MARCHF1: variants seen among roughly 807,000 people sequenced by gnomAD.
The protein encoded by MARCHF1 is E3 ubiquitin-protein ligase MARCHF1.
Under a neutral mutation model 54.2 loss-of-function variants are expected in MARCHF1, and 40 were observed. The ratio of observed to expected loss-of-function variants is 0.74; its 90% CI spans 0.57 to 0.96. The LOEUF is 0.96. MARCHF1 is among the 40% of genes least tolerant of loss of function. The pLI is 0.00. For synonymous variants in MARCHF1, 236 were observed against 236.3 expected (o/e 1.00, Z 0.01); for missense variants, 586 against 656.5 (o/e 0.89, Z 1.17).
chr4:164,124,531 T>C (rs1756139964), intron 1 of MARCHF1, among the ~76,000 whole-genome samples: 1 of 152,114 alleles, frequency 6.6e-6, no homozygotes, highest in African/African-American at 2.4e-5. Context: ...AACATAAGTG[T>C]CCATCGACAG....
intron 5 of MARCHF1, among the ~76,000 whole-genome samples, chr4:163,669,917 T>C (rs573158258): frequency 2.6e-5 from 4 of 152,238 alleles, no homozygotes; most frequent in East Asian, 1.9e-4. Context: ...TATCTTCTTA[T>C]GGATCATTGC....
intron 1 of MARCHF1, among the ~76,000 whole-genome samples, chr4:164,301,683 C>G (rs528406492): frequency 2.0e-5 from 3 of 151,966 alleles, no homozygotes; most frequent in South Asian, 2.1e-4. Flanking sequence ...AGGGAGTGAG[C>G]AGATAAAGTG....
At chr4:163,975,259 TCTGA>T (rs1332337176) in intron 3 of MARCHF1, among the ~76,000 whole-genome samples, 18 of 151,692 alleles carry the variant, frequency 1.2e-4, no homozygotes, top group African/African-American at 4.1e-4. Context: ...TCTTGACAAC[TCTGA>T]CTAATGCAGA....
At chr4:163,910,970 T>C (rs1751176484) in intron 3 of MARCHF1, among the ~76,000 whole-genome samples, 1 of 152,204 alleles carries the variant, frequency 6.6e-6, no homozygotes, top group Non-Finnish European at 1.5e-5. Context: ...TGAATATCAG[T>C]AATAGCAGGC....
chr4:164,177,079 T>C (rs555635170), intron 1 of MARCHF1, among the ~76,000 whole-genome samples: 1 of 149,096 alleles, frequency 6.7e-6, no homozygotes, highest in African/African-American at 2.4e-5. Flanking sequence ...ATTTATGCAG[T>C]CTTTTCTGAT....
intron 4 of MARCHF1, among the ~76,000 whole-genome samples, chr4:163,804,573 A>T (rs1250008819): frequency 6.6e-6 from 1 of 152,202 alleles, no homozygotes; most frequent in Non-Finnish European, 1.5e-5. Flanking sequence ...ACTCTATATT[A>T]AGCAGAATCA....
rs548255374 is a variant in MARCHF1, at chr4:163,812,056, T to C, written c.111+41965A>G. ...AGTTGAATTTGCTCTGCCTGAATAC[T>C]TGAGCTCAAATATTGATCTTCTGTC... On this transcript the variant is annotated intron_variant, in intron 4 of 9. Transcript: ENST00000514618. 4.3e-4 allele frequency among the ~76,000 whole-genome samples: 66 copies of C among 152,220 alleles called. No homozygotes were observed. In the South Asian group the frequency reaches 0.013, roughly 30 times the overall value.
intron 2 of MARCHF1, among the ~76,000 whole-genome samples, chr4:164,045,544 T>TAAATAAAG (rs1553973217): frequency 7.2e-5 from 8 of 111,680 alleles, no homozygotes; most frequent in Non-Finnish European, 1.7e-4. Context: ...AATAAATAAA[T>TAAATAAAG]AAATAAAACC....
intron 3 of MARCHF1, among the ~76,000 whole-genome samples, chr4:163,917,315 C>T (rs1241510614): frequency 6.6e-6 from 1 of 152,116 alleles, no homozygotes. Context: ...TTCTAAGAAC[C>T]TGTTAAACTC....
At chr4:164,229,298 G>A (rs1454734362) in intron 1 of MARCHF1, among the ~76,000 whole-genome samples, 1 of 152,160 alleles carries the variant, frequency 6.6e-6, no homozygotes, top group Non-Finnish European at 1.5e-5. Context: ...TATAAAAGCA[G>A]CTTTGTACCT....
chr4:163,544,409 T>C lies in MARCHF1; in HGVS notation c.1339+1187A>G, dbSNP rs551181264. Among the ~76,000 whole-genome samples the C allele has an allele frequency of 2.0e-5, 3 of 152,308 alleles. No homozygotes were observed. In the East Asian group the frequency reaches 5.8e-4, roughly 29 times the overall value. ...TAGACTCGACACGGTAGTGCTTTCA[T>C]TTTCTTCCAGAAAAGGACAGTGGCA... On this transcript the variant is annotated intron_variant, in intron 9 of 9. Coordinates refer to ENST00000514618, the MANE Select transcript of MARCHF1 (RefSeq NM_001394959.1).
At chr4:163,607,059 T>G (rs1199562840) in intron 7 of MARCHF1, among the ~76,000 whole-genome samples, 1 of 152,066 alleles carries the variant, frequency 6.6e-6, no homozygotes, top group African/African-American at 2.4e-5. Flanking sequence ...TTGTCTGCAG[T>G]TGGAGGAAAT....
At chr4:163,675,637 G>A (rs1352758580) in intron 5 of MARCHF1, among the ~76,000 whole-genome samples, 1 of 152,216 alleles carries the variant, frequency 6.6e-6, no homozygotes, top group Non-Finnish European at 1.5e-5. Context: ...CAGGGACTGT[G>A]TAGATAGATA....
chr4:164,281,153 A>G (rs138672564), intron 1 of MARCHF1, among the ~76,000 whole-genome samples: 1 of 152,310 alleles, frequency 6.6e-6, no homozygotes, highest in East Asian at 1.9e-4. Context: ...ATTGTTCTGC[A>G]AAATTAGATT....
chr4:164,196,625 T>C (rs1276600876), intron 1 of MARCHF1, among the ~76,000 whole-genome samples: 1 of 152,146 alleles, frequency 6.6e-6, no homozygotes, highest in African/African-American at 2.4e-5. Flanking sequence ...CATTAATAAG[T>C]GGATTGTAGT....
intron 1 of MARCHF1, among the ~76,000 whole-genome samples, chr4:164,244,758 A>G (rs1405842334): frequency 6.6e-6 from 1 of 152,138 alleles, no homozygotes; most frequent in African/African-American, 2.4e-5. Context: ...AGATGCAATA[A>G]AAAATGATAA....
intron 5 of MARCHF1, among the ~76,000 whole-genome samples, chr4:163,624,540 G>C (rs1378140944): frequency 6.6e-6 from 1 of 152,132 alleles, no homozygotes; most frequent in African/African-American, 2.4e-5. Flanking sequence ...CTTGTCCCAG[G>C]TTCTGCTTCT....
At chr4:164,035,749 T>C (rs770205746) in intron 2 of MARCHF1, among the ~76,000 whole-genome samples, 21 of 151,434 alleles carry the variant, frequency 1.4e-4, no homozygotes, top group Non-Finnish European at 2.5e-4. Context: ...CAAGTAAACT[T>C]TACATAGATT....
At chr4:164,286,732 T>G (rs1195291769) in intron 1 of MARCHF1, among the ~76,000 whole-genome samples, 1 of 149,286 alleles carries the variant, frequency 6.7e-6, no homozygotes, top group African/African-American at 2.4e-5. Context: ...TATTTTTATA[T>G]AATAAATCTA....
Sources: gnomAD v4.1 joint callset for allele counts (sites outside exome capture counted in the v4.1 genomes callset) on GRCh38, gnomAD v4.1.1 for gene constraint, MANE v1.5 for transcripts, NCBI Gene and HGNC (gene_info 2026-07-23, HGNC 2026-07-21) for gene names.